Variants in MAP3K5 observed in about 807,000 individuals in gnomAD.
MAP3K5 encodes ASK-1.
Under a neutral mutation model 158.7 loss-of-function variants are expected in MAP3K5, and 56 were observed. The ratio of observed to expected loss-of-function variants is 0.35; its 90% CI spans 0.28 to 0.44. MAP3K5 has a LOEUF of 0.44. MAP3K5 is among the 20% of genes least tolerant of loss of function. MAP3K5 has a pLI of 1.00. For synonymous variants in MAP3K5, 579 were observed against 601.7 expected (o/e 0.96, Z 0.55); for missense variants, 1,294 against 1,674.8 (o/e 0.77, Z 3.97).
chr6:136,627,079 C>A (rs892001816), intron 14 of MAP3K5, among the ~76,000 whole-genome samples: 2 of 151,864 alleles, frequency 1.3e-5, no homozygotes, highest in African/African-American at 4.8e-5. Flanking sequence ...CATCCATTTG[C>A]TTTTTTTTAG....
At chr6:136,585,493 A>C (rs150916614) in intron 23 of MAP3K5, among the ~76,000 whole-genome samples, 14,704 of 127,960 alleles carry the variant, frequency 0.11, 1,173 homozygotes, top group East Asian at 0.31. Context: ...TTATTTATTT[A>C]TTTATTTATT....
intron 1 of MAP3K5, among the ~76,000 whole-genome samples, chr6:136,759,310 A>G (rs1336783277): frequency 3.3e-5 from 5 of 151,864 alleles, no homozygotes; most frequent in African/African-American, 1.2e-4. Context: ...ACGAACAAGA[A>G]GTTGATTCAT....
chr6:136,781,571 A>G (rs561253965), intron 1 of MAP3K5, among the ~76,000 whole-genome samples: 30 of 152,334 alleles, frequency 2.0e-4, no homozygotes, highest in Admixed American at 5.2e-4. Context: ...CTATTCAACC[A>G]CTTGATTTAA....
intron 1 of MAP3K5, among the ~76,000 whole-genome samples, chr6:136,732,708 T>G (rs1479660548): frequency 6.6e-6 from 1 of 152,172 alleles, no homozygotes; most frequent in African/African-American, 2.4e-5. Flanking sequence ...TAAAAGGAAT[T>G]CATTTTAGCA....
At chr6:136,639,483 T>C (rs980246817) in intron 13 of MAP3K5, 60 bp downstream of exon 13, 1 of 877,912 alleles carries the variant, frequency 1.1e-6, no homozygotes, top group African/African-American at 1.7e-5. Flanking sequence ...GTTCACTCAT[T>C]ACTTGAAAAT....
At chr6:136,735,670 A>T (rs1418769043) in intron 1 of MAP3K5, among the ~76,000 whole-genome samples, 2 of 152,036 alleles carry the variant, frequency 1.3e-5, no homozygotes, top group Admixed American at 6.6e-5. Context: ...TCTCTATAAA[A>T]AGTGTTAAAA....
rs1295804227 is a variant in MAP3K5 at position 136,613,929 on chromosome 6, G to A, written c.2278+230C>T. 2.0e-5 allele frequency among the ~76,000 whole-genome samples: 3 copies of A among 152,080 alleles called. No individual in the cohort carries two copies. The highest frequency in any genetic ancestry group is 4.4e-5 in the Non-Finnish European group (3 of 67,998). ...ATTCTTTTGGAGTCTGTGTTTCCTGGGTGGCTATCCTCAAGCTTTGCACTG... is the reference window on the plus strand; with the variant it reads ...ATTCTTTTGGAGTCTGTGTTTCCTGAGTGGCTATCCTCAAGCTTTGCACTG... On this transcript the variant is annotated intron_variant, in intron 16 of 29. Coordinates refer to ENST00000359015, the MANE Select transcript of MAP3K5 (RefSeq NM_005923.4). The surrounding 1 kb of genome is among the most constrained non-coding windows in gnomAD (Gnocchi z 4.0).
At chr6:136,687,609 A>G (rs1369930788) in intron 7 of MAP3K5, among the ~76,000 whole-genome samples, 1 of 152,250 alleles carries the variant, frequency 6.6e-6, no homozygotes, top group Non-Finnish European at 1.5e-5. Context: ...AAAGTGGGTG[A>G]AAGATATGAA....
intron 2 of MAP3K5, among the ~76,000 whole-genome samples, chr6:136,715,513 G>A (rs1036358729): frequency 2.0e-5 from 3 of 151,970 alleles, no homozygotes; most frequent in African/African-American, 7.3e-5. Context: ...TCCCCTAAGA[G>A]GTAACTATTC....
At chr6:136,789,675 CTTTTTTTT>C (rs57162918) in intron 1 of MAP3K5, among the ~76,000 whole-genome samples, 3 of 78,754 alleles carry the variant, frequency 3.8e-5, no homozygotes, top group East Asian at 3.8e-4. Flanking sequence ...AGCACAACCT[CTTTTTTTT>C]TTTTTTTTTT....
At chr6:136,612,992 T>G (rs1421511448) in intron 17 of MAP3K5, 128 bp downstream of exon 17, 1 of 856,368 alleles carries the variant, frequency 1.2e-6, no homozygotes, top group African/African-American at 1.7e-5. Flanking sequence ...ATTTTATATT[T>G]CTGCTGTTTC....
intron 25 of MAP3K5, among the ~76,000 whole-genome samples, chr6:136,574,562 A>G (rs1774513529): frequency 6.6e-6 from 1 of 152,212 alleles, no homozygotes. Flanking sequence ...TAATGCTGCC[A>G]ATAATCTAAA....
Position 136,633,774 on chromosome 6 carries a change from T to C in MAP3K5, c.2016+3551A>G, listed in dbSNP as rs1452163211. Among the ~76,000 whole-genome samples, 5 of 152,230 alleles carry C rather than the reference T, an allele frequency of 3.3e-5. No individual in the cohort carries two copies. The South Asian group carries it at 1.0e-3, about 31-fold the overall frequency. On this transcript the variant is annotated intron_variant, in intron 14 of 29. Coordinates refer to ENST00000359015, the MANE Select transcript of MAP3K5 (RefSeq NM_005923.4). Reference sequence around the variant, plus strand: ...TTTGTAGTTTATAGAATCACATTAATAGTTACTGTTTTGCTGACTGCTGAC... The same window carrying C: ...TTTGTAGTTTATAGAATCACATTAACAGTTACTGTTTTGCTGACTGCTGAC...
At chr6:136,673,304 G>A (rs1779563939) in intron 7 of MAP3K5, among the ~76,000 whole-genome samples, 1 of 152,130 alleles carries the variant, frequency 6.6e-6, no homozygotes, top group Admixed American at 6.6e-5. Flanking sequence ...CTCTGTGAGT[G>A]AAAATAAAAT....
chr6:136,659,196 A>G, intron 9 of MAP3K5, 23 bp downstream of exon 9: 1 of 1,587,444 alleles, frequency 6.3e-7, no homozygotes, highest in Non-Finnish European at 8.6e-7. Flanking sequence ...TAATTGTATC[A>G]ACATATAATA....
intron 7 of MAP3K5, among the ~76,000 whole-genome samples, chr6:136,679,905 G>A (rs144895610): frequency 4.6e-5 from 7 of 152,284 alleles, no homozygotes; most frequent in African/African-American, 1.7e-4. Flanking sequence ...CGATTTAAAT[G>A]TCCATCAAGA....
chr6:136,558,652 T>G (rs1459345603), intron 29 of MAP3K5, 148 bp downstream of exon 29: 3 of 498,290 alleles, frequency 6.0e-6, no homozygotes, highest in East Asian at 3.1e-5. Flanking sequence ...ATTGTCCAAC[T>G]AACTCAGTTT....
chr6:136,632,187 G>C lies in MAP3K5; in HGVS notation c.2016+5138C>G, dbSNP rs1030181131. ...AGGAAAGGGGAAGCTACAGCCAGAGGGGGTGAGAATGTTGTATGGTGCAAA... is the reference window on the plus strand; with the variant it reads ...AGGAAAGGGGAAGCTACAGCCAGAGCGGGTGAGAATGTTGTATGGTGCAAA... On this transcript the variant is annotated intron_variant, in intron 14 of 29. Transcript: ENST00000359015. Among the ~76,000 whole-genome samples the C allele has an allele frequency of 2.6e-5, 4 of 152,114 alleles. 1 individual carries two copies. Among genetic ancestry groups the C allele is most frequent in the Non-Finnish European group, 4.4e-5 (3 of 68,012 alleles).
At chr6:136,696,581 C>T (rs1008206462) in intron 5 of MAP3K5, among the ~76,000 whole-genome samples, 4 of 152,064 alleles carry the variant, frequency 2.6e-5, no homozygotes, top group Non-Finnish European at 5.9e-5. Context: ...ACCTGAAAGG[C>T]TAGGAATGGA....
Sources: gnomAD v4.1 joint callset for allele counts (sites outside exome capture counted in the v4.1 genomes callset) on GRCh38, gnomAD v4.1.1 for gene constraint, Gnocchi (gnomAD v3.1) non-coding constraint, MANE v1.5 for transcripts, NCBI Gene and HGNC (gene_info 2026-07-23, HGNC 2026-07-21) for gene names.